Variants in GRIN2A observed in about 807,000 individuals in gnomAD.
GRIN2A encodes the protein glutamate ionotropic receptor NMDA type subunit 2A.
GRIN2A carries 22 observed loss-of-function variants against 113.4 expected under a neutral mutation model. That is an observed-to-expected ratio of 0.19 (90% CI 0.14 to 0.28). The LOEUF (loss-of-function observed/expected upper bound fraction) is 0.28, where lower values mean the gene tolerates loss of function less well. GRIN2A is among the 10% of genes least tolerant of loss of function. GRIN2A has a pLI of 1.00. For missense variants in GRIN2A, 1,502 were observed against 1,887.0 expected, an observed-to-expected ratio of 0.80 and a Z score of 3.78; for synonymous variants, 827 against 738.4, an observed-to-expected ratio of 1.12 and a Z score of -1.94.
chr16:9,771,998 A>G (rs1478102290), intron 11 of GRIN2A, among the ~76,000 whole-genome samples: 1 of 152,192 alleles, frequency 6.6e-6, no homozygotes, highest in Non-Finnish European at 1.5e-5. Flanking sequence ...TCTCAAATGT[A>G]TTAACCAGAA....
chr16:9,789,864 AG>A (rs1431904233), intron 11 of GRIN2A, among the ~76,000 whole-genome samples: 2 of 152,258 alleles, frequency 1.3e-5, no homozygotes, highest in African/African-American at 4.8e-5. Flanking sequence ...TCCTTGGGGA[AG>A]GCATTAGAGC....
intron 3 of GRIN2A, 129 bp downstream of exon 3, chr16:9,937,829 AG>A (rs2044748616): frequency 5.7e-6 from 4 of 700,762 alleles, no homozygotes; most frequent in Non-Finnish European, 1.0e-5. Context: ...GCAAAATAAA[AG>A]TCCCGTAAGT....
rs58500889 is a variant in GRIN2A at position 10,073,751 on chromosome 16, GA to G, written c.414+106246del. ...AAACCGCATCTCTACTAAAAATCCA[GA>G]AAAAAAAAAAAAATTAGCCGGGCAA... On this transcript the variant is annotated intron_variant, in intron 2 of 12. Transcript: ENST00000330684. 9.5e-3 allele frequency among the ~76,000 whole-genome samples: 1,337 copies of G among 141,054 alleles called. 10 individuals are homozygous for G. The highest frequency in any genetic ancestry group is 0.046 in the East Asian group (225 of 4,846). 92.5% of individuals were successfully genotyped at this position (141,054 alleles called of 152,430 possible). A position where few individuals can be genotyped will look rare whatever the true frequency, so the allele number is the denominator to read the frequency against.
At position 9,760,740 on chromosome 16, in the gene GRIN2A, C is replaced by G. The variant is rs1013672121; in HGVS notation, c.*2409G>C. On this transcript the variant is annotated 3_prime_UTR_variant, in exon 13 of 13. Transcript: ENST00000330684. ...AGGACACCAGAGGAAGACAGAAAGCCTCTTTGGCTTGACGACAAATCACTC... is the reference window on the plus strand; with the variant it reads ...AGGACACCAGAGGAAGACAGAAAGCGTCTTTGGCTTGACGACAAATCACTC... 9 of 228,944 alleles carry G rather than the reference C, an allele frequency of 3.9e-5. No homozygotes were observed. The highest frequency in any genetic ancestry group is 6.9e-5 in the Non-Finnish European group (8 of 115,412). The allele number at this position is 228,944 out of a possible 1,614,324, so 14.2% of individuals were successfully genotyped here.
chr16:10,153,475 AG>A (rs2049626972), intron 2 of GRIN2A, among the ~76,000 whole-genome samples: 1 of 152,214 alleles, frequency 6.6e-6, no homozygotes, highest in South Asian at 2.1e-4. Context: ...TAAACCCATC[AG>A]GTATACACAA....
At position 9,757,179 on chromosome 16, in the gene GRIN2A, G is replaced by A. The variant is rs1900380272; in HGVS notation, c.*5970C>T. Reference sequence around the variant, plus strand: ...GAGGCATGATTTGGCAAGGACTGGAGAACTGGTTGGAACCAGACAAAAGCC... The same window carrying A: ...GAGGCATGATTTGGCAAGGACTGGAAAACTGGTTGGAACCAGACAAAAGCC... On this transcript the variant is annotated 3_prime_UTR_variant, in exon 13 of 13. Transcript: ENST00000330684. 9.2e-6 allele frequency: 2 copies of A among 218,372 alleles called. No homozygotes were observed. 13.5% of individuals were successfully genotyped at this position (218,372 alleles called of 1,614,324 possible).
chr16:9,786,886 G>A (rs1006871629), intron 11 of GRIN2A, among the ~76,000 whole-genome samples: 3 of 152,094 alleles, frequency 2.0e-5, no homozygotes, highest in Non-Finnish European at 2.9e-5. Context: ...ACCAAACTCC[G>A]ACCATTTTCT....
chr16:9,882,846 A>C lies in GRIN2A; in HGVS notation c.1122+8140T>G, dbSNP rs568141318. Among the ~76,000 whole-genome samples the C allele has an allele frequency of 5.9e-5, 9 of 152,282 alleles. No homozygotes were observed. In the South Asian group the frequency reaches 1.2e-3, roughly 21 times the overall value. ...AATAAATGCCTATACCCTGAGTTCT[A>C]ATTAGCTGGTTTCAGGTAGAATCAA... On this transcript the variant is annotated intron_variant, in intron 4 of 12. Transcript: ENST00000330684.
At chr16:10,038,147 T>C (rs946737213) in intron 2 of GRIN2A, among the ~76,000 whole-genome samples, 2 of 152,220 alleles carry the variant, frequency 1.3e-5, no homozygotes, top group African/African-American at 4.8e-5. Flanking sequence ...ATATTCGGTG[T>C]CTGGTGACGG....
intron 7 of GRIN2A, among the ~76,000 whole-genome samples, chr16:9,837,314 CT>C (rs955876209): frequency 6.6e-6 from 1 of 152,092 alleles, no homozygotes; most frequent in Admixed American, 6.6e-5. Flanking sequence ...ATTTATTTTA[CT>C]TTTAAAAATG....
At chr16:10,007,590 G>A (rs2046427678) in intron 2 of GRIN2A, among the ~76,000 whole-genome samples, 1 of 151,954 alleles carries the variant, frequency 6.6e-6, no homozygotes. Context: ...TTGTCTCTTC[G>A]CTTTCTTGAC....
intron 2 of GRIN2A, among the ~76,000 whole-genome samples, chr16:10,026,249 C>T (rs184353844): frequency 2.0e-5 from 3 of 152,138 alleles, no homozygotes; most frequent in Admixed American, 1.3e-4. Context: ...GGGCAAGTCA[C>T]GTCACCTTCC....
At position 10,162,627 on chromosome 16, in the gene GRIN2A, C is replaced by T. The variant is rs564697493; in HGVS notation, c.414+17371G>A. On this transcript the variant is annotated intron_variant, in intron 2 of 12. Coordinates refer to ENST00000330684, the MANE Select transcript of GRIN2A (RefSeq NM_001134407.3). ...TTAATTTCCTGTTCTTATAAGGACA[C>T]CAGTCATGTTGGGTTAAGGCTTACC... Among the ~76,000 whole-genome samples the T allele has an allele frequency of 1.1e-3, 166 of 152,156 alleles. 2 individuals are homozygous for T. Among genetic ancestry groups the T allele is most frequent in the Non-Finnish European group, 1.7e-3 (115 of 68,028 alleles).
intron 2 of GRIN2A, among the ~76,000 whole-genome samples, chr16:10,141,057 G>A (rs2049316272): frequency 1.3e-5 from 2 of 152,114 alleles, no homozygotes; most frequent in South Asian, 4.1e-4. Flanking sequence ...AACCAGGCAT[G>A]GTGGTATGCA....
At chr16:10,082,538 T>C (rs2048005124) in intron 2 of GRIN2A, among the ~76,000 whole-genome samples, 1 of 152,206 alleles carries the variant, frequency 6.6e-6, no homozygotes, top group Admixed American at 6.5e-5. Context: ...CAGCTGACTT[T>C]GAGTTAATCA....
intron 2 of GRIN2A, among the ~76,000 whole-genome samples, chr16:10,101,822 C>A (rs2048404489): frequency 6.6e-6 from 1 of 152,112 alleles, no homozygotes; most frequent in Non-Finnish European, 1.5e-5. Context: ...TAGCCCCACT[C>A]TAGGAGGGAA....
chr16:9,919,033 C>G (rs186137657), intron 3 of GRIN2A, among the ~76,000 whole-genome samples: 1 of 152,058 alleles, frequency 6.6e-6, no homozygotes, highest in Admixed American at 6.5e-5. Flanking sequence ...GTTAGCCAGG[C>G]GTGGTGGTGT....
At chr16:9,831,581 T>C (rs1353710014) in intron 8 of GRIN2A, among the ~76,000 whole-genome samples, 1 of 147,532 alleles carries the variant, frequency 6.8e-6, no homozygotes, top group Non-Finnish European at 1.5e-5. Flanking sequence ...AGTGGCACAA[T>C]CTCGGCTCAC....
In GRIN2A at chr16:9,761,006, G is replaced by A. The variant is rs1900557711; in HGVS notation, c.*2143C>T. ...ATGGCTGGGTCTTGGGGCAGCAGAG[G>A]TACAGCATCCGGGAAATAAAATGTC... On this transcript the variant is annotated 3_prime_UTR_variant, in exon 13 of 13. Transcript: ENST00000330684. The A allele has an allele frequency of 4.3e-6, 1 of 232,448 alleles. No homozygotes were observed. Among genetic ancestry groups the A allele is most frequent in the African/African-American group, 2.2e-5 (1 of 45,258 alleles). 14.4% of individuals were successfully genotyped at this position (232,448 alleles called of 1,614,324 possible).
Sources: allele counts gnomAD v4.1 joint callset (sites outside exome capture counted in the v4.1 genomes callset), GRCh38; gene constraint gnomAD v4.1.1; transcripts MANE v1.5; gene names NCBI Gene and HGNC (gene_info 2026-07-23, HGNC 2026-07-21).